Variants in HS6ST3 observed in about 807,000 individuals in gnomAD.
HS6ST3 encodes heparan sulfate 6-O-sulfotransferase 3, also known as heparan-sulfate 6-O-sulfotransferase 3.
HS6ST3 carries 12 observed loss-of-function variants against 36.7 expected under a neutral mutation model. That is an observed-to-expected ratio of 0.33 (90% CI 0.21 to 0.53). The LOEUF is 0.53. HS6ST3 is among the 20% of genes least tolerant of loss of function. The probability of loss-of-function intolerance (pLI) is 0.95; values close to 1 mark genes in which losing one functional copy is unlikely to be tolerated. For synonymous variants in HS6ST3, 240 were observed against 257.5 expected, an observed-to-expected ratio of 0.93 and a Z score of 0.65; for missense variants, 584 against 640.9, an observed-to-expected ratio of 0.91 and a Z score of 0.96.
At chr13:96,414,247 T>C (rs1018494024) in intron 1 of HS6ST3, among the ~76,000 whole-genome samples, 7 of 152,204 alleles carry the variant, frequency 4.6e-5, no homozygotes, top group African/African-American at 1.2e-4. Flanking sequence ...ATTCATTTCA[T>C]TGTGGTTTAC....
chr13:96,688,468 AG>A (rs1348310505), intron 1 of HS6ST3, among the ~76,000 whole-genome samples: 4 of 152,030 alleles, frequency 2.6e-5, no homozygotes, highest in African/African-American at 4.8e-5. Flanking sequence ...TGAAAGATGC[AG>A]GGTGCTTTCT....
At chr13:96,638,549 T>TG (rs747408189) in intron 1 of HS6ST3, among the ~76,000 whole-genome samples, 15 of 152,070 alleles carry the variant, frequency 9.9e-5, no homozygotes, top group Non-Finnish European at 1.0e-4. Flanking sequence ...TGGGGGCAGT[T>TG]ACCCCTATGC....
At chr13:96,106,188 C>A (rs2053840644) in intron 1 of HS6ST3, among the ~76,000 whole-genome samples, 1 of 152,212 alleles carries the variant, frequency 6.6e-6, no homozygotes, top group Non-Finnish European at 1.5e-5. Flanking sequence ...GATACTCTTT[C>A]CTTGAAGATG....
At chr13:96,543,295 A>G (rs1610394) in intron 1 of HS6ST3, among the ~76,000 whole-genome samples, 124,039 of 152,134 alleles carry the variant, frequency 0.82, 51,659 homozygotes, top group Non-Finnish European at 0.89. Context: ...CCCTGTCATC[A>G]TGTGGTGCAG....
intron 1 of HS6ST3, among the ~76,000 whole-genome samples, chr13:96,412,420 A>G (rs905780405): frequency 6.6e-6 from 1 of 152,214 alleles, no homozygotes; most frequent in Non-Finnish European, 1.5e-5. Flanking sequence ...AGGAGAACAC[A>G]TTCTAGGGAG....
At position 96,229,006 on chromosome 13, in the gene HS6ST3, A is replaced by C. The variant is rs1315967913; in HGVS notation, c.707+137437A>C. ...AGGTACATGCAGCTCAGACAAGAAA[A>C]GGCAGAAGATGCTTTTTAAATTTAG... On this transcript the variant is annotated intron_variant, in intron 1 of 1. Transcript: ENST00000376705. Among the ~76,000 whole-genome samples the C allele has an allele frequency of 2.0e-5, 3 of 152,300 alleles. No individual in the cohort carries two copies. In the East Asian group the frequency reaches 5.8e-4, roughly 29 times the overall value.
intron 1 of HS6ST3, among the ~76,000 whole-genome samples, chr13:96,317,352 A>G (rs1345630659): frequency 2.8e-5 from 2 of 71,042 alleles, no homozygotes; most frequent in African/African-American, 1.8e-4. Flanking sequence ...ATATATATAT[A>G]TATATATATA....
At chr13:96,320,039 T>C (rs949678405) in intron 1 of HS6ST3, among the ~76,000 whole-genome samples, 2 of 152,188 alleles carry the variant, frequency 1.3e-5, no homozygotes, top group African/African-American at 4.8e-5. Flanking sequence ...CAAATGACTT[T>C]TTTTTCTTTC....
intron 1 of HS6ST3, among the ~76,000 whole-genome samples, chr13:96,449,494 T>G (rs557418451): frequency 9.7e-4 from 148 of 152,324 alleles, no homozygotes; most frequent in Non-Finnish European, 1.5e-3. Flanking sequence ...TCTCTTAGTT[T>G]ACTCCTGGAC....
intron 1 of HS6ST3, among the ~76,000 whole-genome samples, chr13:96,825,420 A>G (rs1175913465): frequency 6.6e-6 from 1 of 152,154 alleles, no homozygotes; most frequent in African/African-American, 2.4e-5. Context: ...AGAAAAGAGG[A>G]AAAAGTAGCA....
intron 1 of HS6ST3, among the ~76,000 whole-genome samples, chr13:96,701,397 T>C (rs755763337): frequency 1.3e-5 from 2 of 152,194 alleles, no homozygotes; most frequent in Non-Finnish European, 2.9e-5. Flanking sequence ...CTAATTATGG[T>C]ATTTAAGAAT....
chr13:96,726,327 A>G (rs1037439434), intron 1 of HS6ST3, among the ~76,000 whole-genome samples: 8 of 152,176 alleles, frequency 5.3e-5, no homozygotes, highest in Non-Finnish European at 8.8e-5. Flanking sequence ...GAGAATTGAA[A>G]TTATAATAAG....
chr13:96,228,801 T>C (rs1484352025), intron 1 of HS6ST3, among the ~76,000 whole-genome samples: 1 of 152,108 alleles, frequency 6.6e-6, no homozygotes, highest in Non-Finnish European at 1.5e-5. Context: ...AACGGATCAA[T>C]GTAATAAAAC....
intron 1 of HS6ST3, among the ~76,000 whole-genome samples, chr13:96,364,459 C>T (rs1419777428): frequency 1.3e-5 from 2 of 152,106 alleles, no homozygotes; most frequent in South Asian, 2.1e-4. Context: ...CATGTTGCAA[C>T]AGGGATGCAC....
intron 1 of HS6ST3, among the ~76,000 whole-genome samples, chr13:96,147,157 C>T (rs2054062121): frequency 1.3e-5 from 2 of 152,198 alleles, no homozygotes; most frequent in Non-Finnish European, 2.9e-5. Context: ...TGATAGTGAT[C>T]AGCAGAGCAC....
chr13:96,296,104 C>T (rs1350116582), intron 1 of HS6ST3, among the ~76,000 whole-genome samples: 2 of 152,110 alleles, frequency 1.3e-5, no homozygotes, highest in Admixed American at 1.3e-4. Flanking sequence ...GCACTAGCCA[C>T]ATTTCAAGTG....
chr13:96,392,227 G>A (rs1351806653), intron 1 of HS6ST3, among the ~76,000 whole-genome samples: 1 of 152,108 alleles, frequency 6.6e-6, no homozygotes, highest in East Asian at 1.9e-4. Flanking sequence ...AATTTCCACT[G>A]GGCTCTACTA....
chr13:96,791,015 C>A (rs1877774405), intron 1 of HS6ST3, among the ~76,000 whole-genome samples: 1 of 151,954 alleles, frequency 6.6e-6, no homozygotes, highest in South Asian at 2.1e-4. Context: ...TTCTAGAGAT[C>A]TTTTTCTCCC....
At chr13:96,242,118 G>T (rs1035440855) in intron 1 of HS6ST3, among the ~76,000 whole-genome samples, 2 of 152,030 alleles carry the variant, frequency 1.3e-5, no homozygotes, top group African/African-American at 2.4e-5. Context: ...AAGAAGTGGG[G>T]GCCGGGCGCA....
Sources: allele counts gnomAD v4.1 joint callset (sites outside exome capture counted in the v4.1 genomes callset), GRCh38; gene constraint gnomAD v4.1.1; transcripts MANE v1.5; gene names NCBI Gene and HGNC (gene_info 2026-07-23, HGNC 2026-07-21).